The following RPS29 variants were observed in gnomAD, a reference collection of about 807,000 sequenced individuals.
The protein encoded by RPS29 is small ribosomal subunit protein uS14.
For missense variants in RPS29, 60 were observed against 75.7 expected (o/e 0.79, Z 0.77); for synonymous variants, 37 against 26.9 (o/e 1.37, Z -1.16).
At chr14:49,597,659 CT>C (rs34224175) in intron 1 of RPS29, 32,957 of 147,470 alleles carry the variant, frequency 0.22, 4,002 homozygotes, top group African/African-American at 0.31. Flanking sequence ...AAAGTAATTT[CT>C]TTTTTTTTTT....
upstream of RPS29, among the ~76,000 whole-genome samples, chr14:49,590,287 C>T (rs940325427): frequency 1.3e-5 from 2 of 151,602 alleles, no homozygotes; most frequent in Non-Finnish European, 2.9e-5. Flanking sequence ...ACCAACCTGG[C>T]CAATATGGTG....
At chr14:49,590,381 C>T (rs1881685368), upstream of RPS29, among the ~76,000 whole-genome samples, 1 of 151,938 alleles carries the variant, frequency 6.6e-6, no homozygotes, top group South Asian at 2.1e-4. Flanking sequence ...GAGGCTGAGG[C>T]AGGAGAATCG....
Position 49,577,910 on chromosome 14 carries a change from T to C in RPS29, c.163-57A>G. On this transcript the variant is annotated intron_variant, in intron 2 of 2. Transcript: ENST00000396020. ...GAAAAAGCAATGATGCCCAACCAAATTCAATAAATTTGTACTGCATGCCTG... is the reference window on the plus strand; with the variant it reads ...GAAAAAGCAATGATGCCCAACCAAACTCAATAAATTTGTACTGCATGCCTG... 3.1e-6 allele frequency: 4 copies of C among 1,295,232 alleles called. No individual in the cohort carries two copies. The South Asian group carries it at 5.1e-5, about 16-fold the overall frequency. 80.2% of individuals were successfully genotyped at this position (1,295,232 alleles called of 1,614,324 possible). A position where few individuals can be genotyped will look rare whatever the true frequency, so the allele number is the denominator to read the frequency against.
intron 2 of RPS29, among the ~76,000 whole-genome samples, chr14:49,583,937 T>C (rs531337419): frequency 3.9e-5 from 6 of 152,332 alleles, no homozygotes; most frequent in African/African-American, 1.4e-4. Flanking sequence ...AAATGATCTT[T>C]ACCAAATGCA....
chr14:49,586,006 G>C lies in RPS29; in HGVS notation c.106C>G (p.Leu36Val). 5.0e-6 allele frequency: 8 copies of C among 1,613,958 alleles called. No individual in the cohort carries two copies. Among genetic ancestry groups the C allele is most frequent in the Non-Finnish European group, 6.8e-6 (8 of 1,179,850 alleles). Residue 36 changes from leucine (L) to valine (V), a missense_variant, in exon 2 of 3, where the codon CTC becomes GTC. Physicochemically the swap from Leu to Val is conservative, Grantham distance 32 (BLOSUM62 1). Coordinates refer to ENST00000245458, the MANE Select transcript of RPS29 (RefSeq NM_001032.5). ...NRHGLIRKYG[L>V]NMCRQCFRQY... ...CGGAAACACTGGCGGCACATATTGA[G>C]GCCATATTTCCGGATCAGACCGTGC...
At chr14:49,575,395 CAGAA>C (rs994454833) in exon 3 of RPS29, 7 of 152,190 alleles carry the variant, frequency 4.6e-5, no homozygotes, top group African/African-American at 1.7e-4. Flanking sequence ...GGGTGAGTGA[CAGAA>C]GGAAGGGGAA....
chr14:49,573,747 T>G (rs1021036055), exon 3 of RPS29: 2 of 152,222 alleles, frequency 1.3e-5, no homozygotes, highest in Non-Finnish European at 2.9e-5. Flanking sequence ...TTATAAACCC[T>G]ATCTTTTTGT....
At chr14:49,595,810 C>T (rs1165003029) in intron 1 of RPS29, among the ~76,000 whole-genome samples, 1 of 152,044 alleles carries the variant, frequency 6.6e-6, no homozygotes, top group Non-Finnish European at 1.5e-5. Flanking sequence ...GTCAGGAGTT[C>T]GAGACCAGCC....
At chr14:49,573,103 G>GAAAGAAAGAAAGAAA (rs1566473648) in exon 3 of RPS29, 61 of 142,558 alleles carry the variant, frequency 4.3e-4, no homozygotes, top group African/African-American at 1.5e-3. Flanking sequence ...AAAGAAAGAA[G>GAAAGAAAGAAAGAAA]GAAAGAAAGA....
intron 1 of RPS29, among the ~76,000 whole-genome samples, chr14:49,593,422 G>A (rs1055108665): frequency 6.6e-6 from 1 of 151,962 alleles, no homozygotes; most frequent in African/African-American, 2.4e-5. Context: ...ATGACATTTT[G>A]GCCGGGCGCA....
chr14:49,595,446 A>C (rs1881801363), intron 1 of RPS29, among the ~76,000 whole-genome samples: 1 of 152,046 alleles, frequency 6.6e-6, no homozygotes, highest in African/African-American at 2.4e-5. Flanking sequence ...AAAACAAACA[A>C]AAAAACCACA....
At chr14:49,596,231 TAGA>T (rs1448606673) in intron 1 of RPS29, among the ~76,000 whole-genome samples, 20 of 152,168 alleles carry the variant, frequency 1.3e-4, no homozygotes, top group African/African-American at 2.4e-4. Context: ...GTAGGCCAGG[TAGA>T]AGAAGAACTA....
chr14:49,582,115 T>C (rs1444710293), downstream of RPS29, among the ~76,000 whole-genome samples: 1 of 152,108 alleles, frequency 6.6e-6, no homozygotes, highest in Non-Finnish European at 1.5e-5. Context: ...TAGCTTTATT[T>C]CTACCTCTGC....
chr14:49,587,660 GAA>G (rs1276975346), upstream of RPS29, among the ~76,000 whole-genome samples: 3 of 152,202 alleles, frequency 2.0e-5, no homozygotes, highest in African/African-American at 7.2e-5. Context: ...TAATCTGTGG[GAA>G]ACAGGATTAT....
downstream of RPS29, among the ~76,000 whole-genome samples, chr14:49,578,836 G>A (rs942882330): frequency 3.9e-4 from 60 of 152,072 alleles, no homozygotes; most frequent in African/African-American, 1.4e-3. Context: ...TGGGATTACA[G>A]GCATGAGCCA....
At chr14:49,593,692 CAAAAAAAAAAA>C (rs10647593) in intron 1 of RPS29, among the ~76,000 whole-genome samples, 19 of 56,304 alleles carry the variant, frequency 3.4e-4, no homozygotes, top group Non-Finnish European at 4.8e-4. Context: ...GACTCTGTCT[CAAAAAAAAAAA>C]AAAAAAAAAA....
chr14:49,585,041 A>G (rs1324110084), intron 2 of RPS29, among the ~76,000 whole-genome samples: 2 of 151,984 alleles, frequency 1.3e-5, no homozygotes, highest in South Asian at 2.1e-4. Context: ...TCCGGCCCCA[A>G]ACTTTAAGTT....
chr14:49,573,081 GAAGAAAGAAAGAAAGAAAGAAGGAAAGA>G (rs927792257), exon 3 of RPS29: 1 of 146,168 alleles, frequency 6.8e-6, no homozygotes, highest in Non-Finnish European at 1.5e-5. Flanking sequence ...AGAAAAAAAA[GAAGAAAGAAAGAAAGAAAGAAGGAAAGA>G]AAGAAAGAAA....
At chr14:49,591,504 G>T (rs1023772240) in intron 1 of RPS29, among the ~76,000 whole-genome samples, 7 of 151,752 alleles carry the variant, frequency 4.6e-5, no homozygotes, top group African/African-American at 1.7e-4. Context: ...TAGACACGGA[G>T]TTTCACCATG....
Sources: gnomAD v4.1 joint callset for allele counts (sites outside exome capture counted in the v4.1 genomes callset) on GRCh38, gnomAD v4.1.1 for gene constraint, MANE v1.5 for transcripts, NCBI Gene and HGNC (gene_info 2026-07-23, HGNC 2026-07-21) for gene names.